Variants in PTPRD observed in about 807,000 individuals in gnomAD.
The protein encoded by PTPRD is receptor-type tyrosine-protein phosphatase delta.
Under a neutral mutation model 214.5 loss-of-function variants are expected in PTPRD, and 34 were observed. The observed-to-expected ratio is 0.16, with a 90% CI of 0.12 to 0.21. PTPRD has a LOEUF of 0.21. Among genes scored for constraint, PTPRD ranks in the 10% least tolerant of loss-of-function variants. PTPRD has a pLI of 1.00. For missense variants in PTPRD, 2,545 were observed against 2,398.7 expected, an observed-to-expected ratio of 1.06 and a Z score of -1.27; for synonymous variants, 1,128 against 845.7, an observed-to-expected ratio of 1.33 and a Z score of -5.79.
Position 9,315,827 on chromosome 9 carries a change from A to T in PTPRD, c.-203+81622T>A, listed in dbSNP as rs549489652. Among the ~76,000 whole-genome samples the T allele has an allele frequency of 4.8e-3, 704 of 147,736 alleles. 4 individuals are homozygous for T. The highest frequency in any genetic ancestry group is 0.017 in the African/African-American group (675 of 40,592). On this transcript the variant is annotated intron_variant, in intron 9 of 45. Coordinates refer to ENST00000381196, the MANE Select transcript of PTPRD (RefSeq NM_002839.4). ...ATATAATTTTCTGTATTATAGTAGC[A>T]GACAACTTTTTTTTTTTTTTTTTTT...
At chr9:9,280,922 C>T (rs948557512) in intron 9 of PTPRD, among the ~76,000 whole-genome samples, 20 of 150,892 alleles carry the variant, frequency 1.3e-4, no homozygotes, top group African/African-American at 4.6e-4. Context: ...AAATGACAGA[C>T]AAATAGATCA....
rs935143303 is a variant in PTPRD at position 9,340,958 on chromosome 9, T to C, written c.-203+56491A>G. On this transcript the variant is annotated intron_variant, in intron 9 of 45. Coordinates refer to ENST00000381196, the MANE Select transcript of PTPRD (RefSeq NM_002839.4). ...TGAACCTAAATACACAGACCTCTTC[T>C]AACAATACAAGTTTCATTCTCTTCA... 3.3e-5 allele frequency among the ~76,000 whole-genome samples: 5 copies of C among 152,180 alleles called. No homozygotes were observed. In the East Asian group the frequency reaches 7.7e-4, roughly 23 times the overall value.
intron 4 of PTPRD, among the ~76,000 whole-genome samples, chr9:10,025,550 A>G (rs900083991): frequency 2.6e-5 from 4 of 152,180 alleles, no homozygotes; most frequent in African/African-American, 9.7e-5. Flanking sequence ...GAGAATTCAC[A>G]TTTCTTTCAG....
chr9:9,993,544 G>A (rs1391229533), intron 4 of PTPRD, among the ~76,000 whole-genome samples: 3 of 152,122 alleles, frequency 2.0e-5, no homozygotes, highest in African/African-American at 4.8e-5. Context: ...GGATGCCAAA[G>A]TAGGAAAAAT....
At chr9:8,559,201 G>A (rs1202988557) in intron 14 of PTPRD, among the ~76,000 whole-genome samples, 2 of 152,242 alleles carry the variant, frequency 1.3e-5, no homozygotes, top group East Asian at 3.9e-4. Flanking sequence ...TAGTACAGTA[G>A]AAAAATTATA....
intron 11 of PTPRD, among the ~76,000 whole-genome samples, chr9:8,828,335 G>A (rs1163578729): frequency 1.3e-5 from 2 of 152,174 alleles, no homozygotes; most frequent in South Asian, 4.1e-4. Context: ...TGGATCCCTT[G>A]TGAACAGGAA....
At chr9:10,041,112 T>C (rs1437650605) in intron 3 of PTPRD, among the ~76,000 whole-genome samples, 2 of 152,052 alleles carry the variant, frequency 1.3e-5, no homozygotes, top group African/African-American at 4.8e-5. Context: ...GAAAAATATA[T>C]TTAAACAACT....
chr9:9,949,420 T>C (rs2093193899), intron 4 of PTPRD, among the ~76,000 whole-genome samples: 1 of 152,136 alleles, frequency 6.6e-6, no homozygotes, highest in Non-Finnish European at 1.5e-5. Context: ...ATTTAGTTGA[T>C]TTTTACCAAT....
intron 5 of PTPRD, among the ~76,000 whole-genome samples, chr9:9,767,333 A>G (rs1440998063): frequency 6.6e-6 from 1 of 152,104 alleles, no homozygotes; most frequent in Non-Finnish European, 1.5e-5. Context: ...ATAGACTTTT[A>G]TAGTAATAAT....
chr9:8,993,926 G>A (rs1325055497), intron 11 of PTPRD, among the ~76,000 whole-genome samples: 2 of 152,128 alleles, frequency 1.3e-5, no homozygotes, highest in Non-Finnish European at 2.9e-5. Flanking sequence ...TGAAATAAAT[G>A]TAATATTTGA....
At chr9:10,310,971 A>G (rs1697518044) in intron 3 of PTPRD, among the ~76,000 whole-genome samples, 1 of 152,072 alleles carries the variant, frequency 6.6e-6, no homozygotes, top group Non-Finnish European at 1.5e-5. Flanking sequence ...CAGAAGAAGC[A>G]TGTGTGGTAA....
At chr9:9,432,895 C>A (rs946465051) in intron 8 of PTPRD, among the ~76,000 whole-genome samples, 1 of 152,116 alleles carries the variant, frequency 6.6e-6, no homozygotes. Flanking sequence ...ATCAGGAAAT[C>A]GTTATAATTC....
At chr9:8,836,125 G>C (rs528394003) in intron 11 of PTPRD, among the ~76,000 whole-genome samples, 1 of 152,086 alleles carries the variant, frequency 6.6e-6, no homozygotes, top group Non-Finnish European at 1.5e-5. Flanking sequence ...CGTTTTATGT[G>C]CTGCTGTATG....
At chr9:10,420,038 G>A (rs1483064094) in intron 2 of PTPRD, among the ~76,000 whole-genome samples, 1 of 151,458 alleles carries the variant, frequency 6.6e-6, no homozygotes, top group Non-Finnish European at 1.5e-5. Flanking sequence ...TCTTTATACT[G>A]TTTAATTTCT....
intron 4 of PTPRD, among the ~76,000 whole-genome samples, chr9:10,001,869 C>A (rs1230759212): frequency 6.6e-6 from 1 of 151,926 alleles, no homozygotes; most frequent in East Asian, 1.9e-4. Context: ...AGAGTACAGA[C>A]AAACAAACAA....
At chr9:9,932,486 G>A (rs1469402110) in intron 5 of PTPRD, among the ~76,000 whole-genome samples, 1 of 140,068 alleles carries the variant, frequency 7.1e-6, no homozygotes, top group Non-Finnish European at 1.5e-5. Flanking sequence ...AGCAATGGAA[G>A]ATGAAATGAA....
At chr9:10,373,624 G>T (rs1406528475) in intron 2 of PTPRD, among the ~76,000 whole-genome samples, 1 of 152,062 alleles carries the variant, frequency 6.6e-6, no homozygotes, top group African/African-American at 2.4e-5. Flanking sequence ...GCAGGAACCT[G>T]AGCCTTTTCC....
At chr9:9,141,474 G>A (rs189143965) in intron 10 of PTPRD, among the ~76,000 whole-genome samples, 1 of 152,004 alleles carries the variant, frequency 6.6e-6, no homozygotes, top group East Asian at 1.9e-4. Context: ...TATTAGCACT[G>A]GAAGTAATAA....
intron 5 of PTPRD, among the ~76,000 whole-genome samples, chr9:9,893,754 C>T (rs1384329401): frequency 6.6e-6 from 1 of 152,034 alleles, no homozygotes; most frequent in Non-Finnish European, 1.5e-5. Context: ...ACAACAGAAG[C>T]TTGGTTATTT....
Sources: gnomAD v4.1 joint callset for allele counts (sites outside exome capture counted in the v4.1 genomes callset) on GRCh38, gnomAD v4.1.1 for gene constraint, MANE v1.5 for transcripts, NCBI Gene and HGNC (gene_info 2026-07-23, HGNC 2026-07-21) for gene names.